The following SGCD variants were observed in gnomAD, a reference collection of about 807,000 sequenced individuals.
SGCD encodes sarcoglycan delta.
A neutral mutation model predicts 36.6 loss-of-function variants in SGCD; 18 were observed. The ratio of observed to expected loss-of-function variants is 0.49; its 90% CI spans 0.34 to 0.73. The LOEUF is 0.73. Ranked by LOEUF, SGCD falls within the 30% of genes least tolerant of loss-of-function variation. SGCD has a pLI of 0.01. For synonymous variants in SGCD, 133 were observed against 130.6 expected, an observed-to-expected ratio of 1.02 and a Z score of -0.12; for missense variants, 387 against 346.7, an observed-to-expected ratio of 1.12 and a Z score of -0.92.
At position 156,115,136 on chromosome 5, in the gene SGCD, A is replaced by C. The variant is rs1007378601; in HGVS notation, c.-281-2742A>C. 2.6e-5 allele frequency among the ~76,000 whole-genome samples: 4 copies of C among 152,220 alleles called. No individual in the cohort carries two copies. In the East Asian group the frequency reaches 7.7e-4, roughly 29 times the overall value. ...ATGTTTAAAATCTCATATGGAAATA[A>C]ATTGTTTTTATATTAACTTTTTAAT... On this transcript the variant is annotated intron_variant, in intron 1 of 9. Transcript: ENST00000517913.
At chr5:155,832,872 C>T in the SGCD span, among the ~76,000 whole-genome samples, 1 of 152,026 alleles carries the variant, frequency 6.6e-6, no homozygotes, top group South Asian at 2.1e-4. Context: ...CAGCCATACT[C>T]TTTCTAGGAA....
intron 3 of SGCD, among the ~76,000 whole-genome samples, chr5:156,292,573 A>G (rs184705199): frequency 6.6e-6 from 1 of 152,230 alleles, no homozygotes; most frequent in African/African-American, 2.4e-5. Flanking sequence ...GTGTATTAAT[A>G]TCTCTTCAAG....
At chr5:155,953,116 C>T (rs1226126842) in intron 1 of SGCD, among the ~76,000 whole-genome samples, 12 of 152,140 alleles carry the variant, frequency 7.9e-5, no homozygotes. Flanking sequence ...CATGCTTACT[C>T]TTCCTGAGCA....
chr5:156,467,510 A>G (rs950742163), intron 3 of SGCD, among the ~76,000 whole-genome samples: 2 of 152,214 alleles, frequency 1.3e-5, no homozygotes, highest in Non-Finnish European at 2.9e-5. Flanking sequence ...GCACTAATAA[A>G]TGCAAACAAT....
At chr5:155,946,545 G>T (rs1757440447) in intron 1 of SGCD, among the ~76,000 whole-genome samples, 1 of 151,940 alleles carries the variant, frequency 6.6e-6, no homozygotes, top group South Asian at 2.1e-4. Context: ...TGCAAATAGG[G>T]TTGTGCTGTC....
chr5:156,406,018 T>TAAAAAAAAAA lies in SGCD; in HGVS notation c.192+61348_192+61357dup, dbSNP rs10529406. 2.5e-3 allele frequency among the ~76,000 whole-genome samples: 261 copies of TAAAAAAAAAA among 103,956 alleles called. 15 individuals are homozygous for TAAAAAAAAAA. Among genetic ancestry groups the TAAAAAAAAAA allele is most frequent in the African/African-American group, 9.3e-3 (228 of 24,446 alleles). 68.2% of individuals were successfully genotyped at this position (103,956 alleles called of 152,430 possible). A position where few individuals can be genotyped will look rare whatever the true frequency, so the allele number is the denominator to read the frequency against. ...TGCTGTATTTGGCCCTATCTTTGCTTAAAAAAAAAAAAAAAAGGCCTCTGG... is the reference window on the plus strand; with the variant it reads ...TGCTGTATTTGGCCCTATCTTTGCTTAAAAAAAAAAAAAAAAAAAAAAAAAAGGCCTCTGG... On this transcript the variant is annotated intron_variant, in intron 3 of 8. Transcript: ENST00000337851.
At chr5:156,374,099 A>C (rs187707356) in intron 3 of SGCD, among the ~76,000 whole-genome samples, 75 of 152,152 alleles carry the variant, frequency 4.9e-4, no homozygotes, top group African/African-American at 1.8e-3. Context: ...GAGAGAGATT[A>C]ATAATGCTAC....
chr5:155,754,728 G>T, the SGCD span, among the ~76,000 whole-genome samples: 1 of 152,204 alleles, frequency 6.6e-6, no homozygotes, highest in African/African-American at 2.4e-5. Context: ...CAAAAGGGAG[G>T]AAATGTTTTT....
chr5:155,731,699 A>G, the SGCD span, among the ~76,000 whole-genome samples: 1 of 152,198 alleles, frequency 6.6e-6, no homozygotes, highest in Admixed American at 6.5e-5. Flanking sequence ...GCTCACTGAC[A>G]ATATTTGCCA....
chr5:156,231,122 A>T (rs962689633), intron 3 of SGCD, among the ~76,000 whole-genome samples: 1 of 152,194 alleles, frequency 6.6e-6, no homozygotes, highest in Non-Finnish European at 1.5e-5. Context: ...ATCCAAGGAG[A>T]AAAATCTAGT....
At chr5:156,418,636 C>T (rs1251954505) in intron 3 of SGCD, among the ~76,000 whole-genome samples, 1 of 152,152 alleles carries the variant, frequency 6.6e-6, no homozygotes, top group Non-Finnish European at 1.5e-5. Flanking sequence ...CTTACATCTT[C>T]CACAAGGAGA....
the SGCD span, among the ~76,000 whole-genome samples, chr5:155,812,433 A>G: frequency 6.6e-6 from 1 of 152,198 alleles, no homozygotes; most frequent in East Asian, 1.9e-4. Flanking sequence ...ACAATCCTGC[A>G]TGCAATTTTG....
chr5:155,924,568 A>G (rs1756955263), intron 1 of SGCD, among the ~76,000 whole-genome samples: 1 of 152,236 alleles, frequency 6.6e-6, no homozygotes, highest in Admixed American at 6.5e-5. Context: ...AAATTAACAA[A>G]GGCAAAGCAG....
intron 3 of SGCD, among the ~76,000 whole-genome samples, chr5:156,188,677 G>A (rs7727400): frequency 1.3e-4 from 16 of 119,938 alleles, no homozygotes; most frequent in South Asian, 1.1e-3. Context: ...CGCCCCCCCC[G>A]ACACACATAC....
At chr5:155,823,641 T>G in the SGCD span, among the ~76,000 whole-genome samples, 14 of 152,156 alleles carry the variant, frequency 9.2e-5, no homozygotes, top group Non-Finnish European at 1.6e-4. Context: ...TGCATTAGCA[T>G]AGGGTTCTGG....
upstream of SGCD, among the ~76,000 whole-genome samples, chr5:156,324,192 G>C (rs1276348726): frequency 6.6e-6 from 1 of 152,130 alleles, no homozygotes; most frequent in Non-Finnish European, 1.5e-5. Flanking sequence ...TGTTAACAAA[G>C]GGATGCTAGC....
chr5:156,673,414 G>A (rs781153838), intron 7 of SGCD, among the ~76,000 whole-genome samples: 1 of 152,154 alleles, frequency 6.6e-6, no homozygotes, highest in Admixed American at 6.6e-5. Context: ...CCTGGCCTAC[G>A]GTTCCTATTC....
chr5:156,740,334 G>A (rs1756606686), intron 7 of SGCD, among the ~76,000 whole-genome samples: 1 of 152,236 alleles, frequency 6.6e-6, no homozygotes. Context: ...TTTTCTGGAA[G>A]TAGAAATTAA....
intron 3 of SGCD, among the ~76,000 whole-genome samples, chr5:156,426,534 T>C (rs1197911601): frequency 6.6e-6 from 1 of 152,124 alleles, no homozygotes; most frequent in Non-Finnish European, 1.5e-5. Context: ...TTGCTGATTA[T>C]TTCTTTTGCT....
Sources: allele counts gnomAD v4.1 joint callset (sites outside exome capture counted in the v4.1 genomes callset), GRCh38; gene constraint gnomAD v4.1.1; transcripts MANE v1.5; gene names NCBI Gene and HGNC (gene_info 2026-07-23, HGNC 2026-07-21).